The following ALK variants were observed in gnomAD, a reference collection of about 807,000 sequenced individuals.
The protein encoded by ALK is ALK receptor tyrosine kinase.
Under a neutral mutation model 163.1 loss-of-function variants are expected in ALK, and 74 were observed. The observed-to-expected ratio is 0.45, with a 90% CI of 0.38 to 0.55. The LOEUF is 0.55. ALK is among the 20% of genes least tolerant of loss of function. The pLI is 0.00. For missense variants in ALK, 2,063 were observed against 2,105.3 expected, an observed-to-expected ratio of 0.98 and a Z score of 0.39; for synonymous variants, 960 against 843.2, an observed-to-expected ratio of 1.14 and a Z score of -2.40.
intron 4 of ALK, among the ~76,000 whole-genome samples, chr2:29,440,985 G>C (rs921062848): frequency 3.3e-5 from 5 of 152,138 alleles, no homozygotes; most frequent in Non-Finnish European, 7.3e-5. Context: ...CCAGGCTCTG[G>C]CTGGCCAAGT....
At chr2:29,774,720 C>A (rs1486065978) in intron 1 of ALK, among the ~76,000 whole-genome samples, 1 of 152,180 alleles carries the variant, frequency 6.6e-6, no homozygotes, top group East Asian at 1.9e-4. Flanking sequence ...CTGAGAAATT[C>A]CTTCCAGTAG....
intron 11 of ALK, among the ~76,000 whole-genome samples, chr2:29,252,844 T>A (rs1664857125): frequency 1.3e-5 from 2 of 151,790 alleles, no homozygotes; most frequent in Non-Finnish European, 2.9e-5. Flanking sequence ...TATTTTTTTT[T>A]AGACACAGGG....
chr2:29,459,333 C>T (rs1307147533), intron 4 of ALK, among the ~76,000 whole-genome samples: 1 of 152,074 alleles, frequency 6.6e-6, no homozygotes, highest in African/African-American at 2.4e-5. Flanking sequence ...TGGCAGCCAT[C>T]TAAACTTCAG....
intron 1 of ALK, among the ~76,000 whole-genome samples, chr2:29,774,503 A>C (rs1681116499): frequency 6.6e-6 from 1 of 152,238 alleles, no homozygotes; most frequent in African/African-American, 2.4e-5. Context: ...CAACAACCTT[A>C]TGACAAGGGC....
intron 11 of ALK, among the ~76,000 whole-genome samples, chr2:29,273,901 A>G (rs114494777): frequency 0.026 from 3,886 of 152,308 alleles, 166 homozygotes; most frequent in African/African-American, 0.088. Context: ...TGCCTCTATC[A>G]GGTGAGACAT....
Position 29,193,429 on chromosome 2 carries a change from G to GC in ALK, c.4657dup (p.Ala1553GlyfsTer62), listed in dbSNP as rs35500880. The GC allele has an allele frequency of 1.2e-6, 2 of 1,614,192 alleles. No homozygotes were observed. Among genetic ancestry groups the GC allele is most frequent in the African/African-American group, 1.3e-5 (1 of 75,032 alleles). ...CGAAGAGGGCTCTAGGAGCAGTGAGGCCCCCGGAAGTCTCCCAGTTGCAAC... is the reference window on the plus strand; with the variant it reads ...CGAAGAGGGCTCTAGGAGCAGTGAGGCCCCCCGGAAGTCTCCCAGTTGCAAC... On this transcript the variant is annotated frameshift_variant, in exon 29 of 29. Coordinates refer to ENST00000389048, the MANE Select transcript of ALK (RefSeq NM_004304.5). LOFTEE classifies it high-confidence loss of function.
chr2:29,567,116 A>G (rs535965891), intron 3 of ALK, among the ~76,000 whole-genome samples: 4 of 152,152 alleles, frequency 2.6e-5, no homozygotes, highest in African/African-American at 7.2e-5. Context: ...GTGGTGCTCT[A>G]TGTAAATGAA....
At chr2:29,627,837 T>C (rs1676241134) in intron 3 of ALK, among the ~76,000 whole-genome samples, 1 of 152,210 alleles carries the variant, frequency 6.6e-6, no homozygotes, top group Non-Finnish European at 1.5e-5. Context: ...GAAGAGATCT[T>C]GTGTGTTTAA....
chr2:29,585,525 G>A (rs764726106), intron 3 of ALK, among the ~76,000 whole-genome samples: 1 of 151,862 alleles, frequency 6.6e-6, no homozygotes. Context: ...ATGGTGTTTC[G>A]CCATGTTGGT....
chr2:29,252,170 A>AC (rs1199501811), intron 11 of ALK, among the ~76,000 whole-genome samples: 23 of 129,546 alleles, frequency 1.8e-4, no homozygotes, highest in South Asian at 3.0e-4. Flanking sequence ...CACAAACTGC[A>AC]CCCCCCCACC....
intron 4 of ALK, among the ~76,000 whole-genome samples, chr2:29,507,476 A>T (rs1318627776): frequency 1.3e-5 from 2 of 152,212 alleles, no homozygotes; most frequent in Non-Finnish European, 2.9e-5. Flanking sequence ...AAGCAATGTG[A>T]ATGTACTTTA....
chr2:29,560,001 A>T (rs745849212), intron 3 of ALK, among the ~76,000 whole-genome samples: 3 of 152,228 alleles, frequency 2.0e-5, no homozygotes, highest in Non-Finnish European at 4.4e-5. Flanking sequence ...TTTTAAAAAG[A>T]TATATAAAAT....
intron 5 of ALK, among the ~76,000 whole-genome samples, chr2:29,333,416 AT>A (rs991535408): frequency 7.2e-5 from 11 of 152,004 alleles, no homozygotes; most frequent in African/African-American, 2.4e-4. Context: ...TCGAGGTTGA[AT>A]TTTTTCTCAC....
chr2:29,304,321 C>A (rs569981541), intron 8 of ALK, among the ~76,000 whole-genome samples: 2 of 152,044 alleles, frequency 1.3e-5, no homozygotes, highest in African/African-American at 2.4e-5. Flanking sequence ...TATGGTGAAA[C>A]CCTGTCTCTA....
chr2:29,347,046 C>T (rs1307131741), intron 5 of ALK, among the ~76,000 whole-genome samples: 4 of 152,160 alleles, frequency 2.6e-5, no homozygotes, highest in African/African-American at 9.7e-5. Context: ...TCTTTATTTG[C>T]ATAGCACTCT....
At chr2:29,729,739 T>A (rs189582473) in intron 1 of ALK, among the ~76,000 whole-genome samples, 6 of 152,310 alleles carry the variant, frequency 3.9e-5, no homozygotes, top group African/African-American at 1.4e-4. Flanking sequence ...GAAGCTGTTA[T>A]TTGCCTTCAT....
chr2:29,585,070 A>G (rs4405716), intron 3 of ALK, among the ~76,000 whole-genome samples: 143,207 of 152,234 alleles, frequency 0.94, 68,003 homozygotes, highest in East Asian at 1. Flanking sequence ...GGACATTCTA[A>G]GGTTCATAGT....
chr2:29,484,505 C>A (rs570679174), intron 4 of ALK, among the ~76,000 whole-genome samples: 14 of 152,218 alleles, frequency 9.2e-5, no homozygotes, highest in Admixed American at 7.8e-4. Flanking sequence ...GACTGAACAC[C>A]ACTTCCAGTT....
chr2:29,920,183 C>G lies in ALK; in HGVS notation c.477G>C (p.Gly159=), dbSNP rs770771709. 4 of 1,613,338 alleles carry G rather than the reference C, an allele frequency of 2.5e-6. No homozygotes were observed. The Admixed American group carries it at 5.0e-5, about 20-fold the overall frequency. ...AILEGCVGPP[G]EAAVGLLQFN... ...ACTGGAGCAGCCCCACAGCCGCCTC[C>G]CCGGGGGGCCCGACGCAACCCTCCA... Residue 159 remains glycine, a synonymous_variant, in exon 1 of 29, where the codon GGG becomes GGC. Coordinates refer to ENST00000389048, the MANE Select transcript of ALK (RefSeq NM_004304.5).
Sources: allele counts gnomAD v4.1 joint callset (sites outside exome capture counted in the v4.1 genomes callset), GRCh38; gene constraint gnomAD v4.1.1; transcripts MANE v1.5; gene names NCBI Gene and HGNC (gene_info 2026-07-23, HGNC 2026-07-21).